Variants in HOOK3 observed in about 807,000 individuals in gnomAD.
HOOK3 encodes hook microtubule tethering protein 3.
In HOOK3, 24 loss-of-function variants were observed where a neutral mutation model predicts 116.3. The ratio of observed to expected loss-of-function variants is 0.21; its 90% CI spans 0.15 to 0.29. HOOK3 has a LOEUF of 0.29. Among genes scored for constraint, HOOK3 ranks in the 10% least tolerant of loss-of-function variants. HOOK3 has a pLI of 1.00. For synonymous variants in HOOK3, 275 were observed against 283.0 expected (o/e 0.97, Z 0.28); for missense variants, 632 against 830.2 (o/e 0.76, Z 2.93).
Position 43,025,509 on chromosome 8 carries a change from G to A in HOOK3, c.*7011G>A. ...TTGCCTAAAATCCTCTGTATTACAT[G>A]ATTATTCAGTAAAAGAGTAAACAAA... On this transcript the variant is annotated 3_prime_UTR_variant, in exon 22 of 22. Coordinates refer to ENST00000307602, the MANE Select transcript of HOOK3 (RefSeq NM_032410.4). 4.7e-6 allele frequency: 1 copy of A among 213,244 alleles called. No homozygotes were observed. Among genetic ancestry groups the A allele is most frequent in the Non-Finnish European group, 9.5e-6 (1 of 105,468 alleles). The allele number at this position is 213,244 out of a possible 1,614,324, so 13.2% of individuals were successfully genotyped here.
At chr8:42,924,126 GT>G (rs376650935) in intron 2 of HOOK3, among the ~76,000 whole-genome samples, 1 of 150,270 alleles carries the variant, frequency 6.7e-6, no homozygotes, top group Non-Finnish European at 1.5e-5. Flanking sequence ...TTGTCATTCT[GT>G]TTTTTTTTGA....
rs757897541 is a variant in HOOK3 at position 42,943,465 on chromosome 8, T to G, written c.400+20T>G. ...AGCAAGGTAATTTGTTTCAAGTTAG[T>G]GTTTGCATTTAAAATAATGAAGGAA... On this transcript the variant is annotated intron_variant, in intron 5 of 21. Transcript: ENST00000307602. The G allele has an allele frequency of 1.4e-6, 2 of 1,402,504 alleles. No homozygotes were observed. The highest frequency in any genetic ancestry group is 1.9e-5 in the South Asian group (1 of 53,078). 86.9% of individuals were successfully genotyped at this position (1,402,504 alleles called of 1,614,324 possible).
intron 16 of HOOK3, chr8:42,998,092 C>T: frequency 4.8e-6 from 1 of 206,668 alleles, no homozygotes; most frequent in Non-Finnish European, 9.7e-6. Flanking sequence ...TGTTCCCCGA[C>T]ACTGGCCCTT....
In HOOK3 at chr8:42,901,213, G is replaced by A. The variant is rs547853373; in HGVS notation, c.57+4025G>A. Among the ~76,000 whole-genome samples, 16 of 152,272 alleles carry A rather than the reference G, an allele frequency of 1.1e-4. No individual in the cohort carries two copies. In the South Asian group the frequency reaches 2.9e-3, roughly 28 times the overall value. On this transcript the variant is annotated intron_variant, in intron 1 of 21. Transcript: ENST00000307602. ...CTCTTCTCATGCTTTTGTTGGGGAG[G>A]GGGAGGTAGAGGTTGGGTGGTGGTA...
At chr8:42,984,756 T>A (rs1809018584) in intron 14 of HOOK3, among the ~76,000 whole-genome samples, 1 of 152,126 alleles carries the variant, frequency 6.6e-6, no homozygotes, top group African/African-American at 2.4e-5. Context: ...ACAAAAAAAT[T>A]AGCTGGGTGT....
At chr8:42,916,010 C>A (rs1167888315) in intron 2 of HOOK3, among the ~76,000 whole-genome samples, 1 of 152,178 alleles carries the variant, frequency 6.6e-6, no homozygotes, top group Non-Finnish European at 1.5e-5. Context: ...AGCATTCTTT[C>A]CCACAGCAGC....
chr8:42,989,972 AT>A (rs1432415010), intron 15 of HOOK3, among the ~76,000 whole-genome samples: 2 of 151,924 alleles, frequency 1.3e-5, no homozygotes, highest in African/African-American at 4.8e-5. Flanking sequence ...CATATACCAC[AT>A]TTTCTGTGCC....
chr8:42,959,200 T>C, intron 7 of HOOK3, 31 bp from the exon 8 acceptor site: 2 of 1,427,954 alleles, frequency 1.4e-6, no homozygotes, highest in South Asian at 2.3e-5. Flanking sequence ...CCACTTCATA[T>C]TAAAATGTTT....
intron 11 of HOOK3, among the ~76,000 whole-genome samples, chr8:42,971,252 G>GT (rs1808721584): frequency 6.6e-6 from 1 of 151,984 alleles, no homozygotes; most frequent in Non-Finnish European, 1.5e-5. Context: ...TATGTTGTGT[G>GT]TTTTTTGTTT....
rs1271900937 is a variant in HOOK3, at chr8:43,020,011, T to C, written c.*1513T>C. 4 of 198,036 alleles carry C rather than the reference T, an allele frequency of 2.0e-5. No homozygotes were observed. Among genetic ancestry groups the C allele is most frequent in the African/African-American group, 9.2e-5 (4 of 43,464 alleles). The allele number at this position is 198,036 out of a possible 1,614,324, so 12.3% of individuals were successfully genotyped here. ...ATAAGTAACCTCAAATCAAGCTAAATGTAATTAAGAATTTTCAGCAACTAT... is the reference window on the plus strand; with the variant it reads ...ATAAGTAACCTCAAATCAAGCTAAACGTAATTAAGAATTTTCAGCAACTAT... On this transcript the variant is annotated 3_prime_UTR_variant, in exon 22 of 22. Coordinates refer to ENST00000307602, the MANE Select transcript of HOOK3 (RefSeq NM_032410.4).
intron 4 of HOOK3, among the ~76,000 whole-genome samples, chr8:42,930,720 C>A (rs1003532347): frequency 6.6e-6 from 1 of 152,154 alleles, no homozygotes; most frequent in Non-Finnish European, 1.5e-5. Flanking sequence ...CATGTTTATA[C>A]CCGTAGCACT....
At chr8:42,899,201 T>C (rs2130307714) in intron 1 of HOOK3, among the ~76,000 whole-genome samples, 1 of 152,360 alleles carries the variant, frequency 6.6e-6, no homozygotes, top group Admixed American at 6.5e-5. Flanking sequence ...TTTGAAGGCC[T>C]GCTGACAGAA....
chr8:42,931,957 A>G (rs1033915727), intron 4 of HOOK3, among the ~76,000 whole-genome samples: 8 of 151,758 alleles, frequency 5.3e-5, no homozygotes, highest in Non-Finnish European at 1.0e-4. Flanking sequence ...GTTTCACCAT[A>G]TTGGCCAGGC....
At chr8:42,939,170 C>G (rs180972077) in intron 4 of HOOK3, among the ~76,000 whole-genome samples, 1 of 152,352 alleles carries the variant, frequency 6.6e-6, no homozygotes, top group Admixed American at 6.5e-5. Context: ...CCCCACCTTT[C>G]CCCCCTTTCT....
chr8:42,982,254 T>TAAAAA (rs1162075588), intron 13 of HOOK3, among the ~76,000 whole-genome samples: 2 of 89,618 alleles, frequency 2.2e-5, no homozygotes, highest in African/African-American at 9.0e-5. Context: ...GACTCTGTCT[T>TAAAAA]AAAAAAAAAA....
rs1299596944 is a variant in HOOK3 at position 43,021,809 on chromosome 8, C to A, written c.*3311C>A. The A allele has an allele frequency of 6.3e-6, 1 of 157,592 alleles. No homozygotes were observed. Among genetic ancestry groups the A allele is most frequent in the East Asian group, 1.5e-4 (1 of 6,590 alleles). The allele number at this position is 157,592 out of a possible 1,614,324, so 9.8% of individuals were successfully genotyped here. A position where few individuals can be genotyped will look rare whatever the true frequency, so the allele number is the denominator to read the frequency against. ...TCAGCCTCCTGAGTAGCGGGGACTA[C>A]AGGCGCCCGCCACTACGCCCGACTA... On this transcript the variant is annotated 3_prime_UTR_variant, in exon 22 of 22. Transcript: ENST00000307602.
rs1292157335 is a variant in HOOK3 at position 42,962,628 on chromosome 8, A to G, written c.616-1683A>G. 4.7e-5 allele frequency among the ~76,000 whole-genome samples: 7 copies of G among 149,686 alleles called. No individual in the cohort carries two copies. The East Asian group carries it at 9.9e-4, about 21-fold the overall frequency. On this transcript the variant is annotated intron_variant, in intron 8 of 21. Transcript: ENST00000307602. The stretch of plus-strand genomic sequence containing the variant: ...ACTGTGTTGCCCAGGCTGTTCTCCA[A>G]CTCCTAGCTCAAGTAATCCTCCTCC...
chr8:43,008,411 T>C (rs1413668061), intron 18 of HOOK3, among the ~76,000 whole-genome samples: 1 of 151,878 alleles, frequency 6.6e-6, no homozygotes, highest in East Asian at 1.9e-4. Context: ...TGACCTCCCA[T>C]GCTCAAGCCA....
intron 17 of HOOK3, among the ~76,000 whole-genome samples, chr8:43,005,906 AG>A (rs1809476842): frequency 6.6e-6 from 1 of 150,814 alleles, no homozygotes; most frequent in Non-Finnish European, 1.5e-5. Context: ...CATGTTGGAC[AG>A]GCTGGTCTTG....
Sources: gnomAD v4.1 joint callset for allele counts (sites outside exome capture counted in the v4.1 genomes callset) on GRCh38, gnomAD v4.1.1 for gene constraint, MANE v1.5 for transcripts, NCBI Gene and HGNC (gene_info 2026-07-23, HGNC 2026-07-21) for gene names.